Variants in GRID1 observed in about 807,000 individuals in gnomAD.
GRID1 encodes the protein glutamate ionotropic receptor delta type subunit 1.
In GRID1, 28 loss-of-function variants were observed where a neutral mutation model predicts 98.0. The ratio of observed to expected loss-of-function variants is 0.29; its 90% CI spans 0.21 to 0.39. The LOEUF (loss-of-function observed/expected upper bound fraction) is 0.39, where lower values mean the gene tolerates loss of function less well. GRID1 is among the 10% of genes least tolerant of loss of function. The probability of loss-of-function intolerance (pLI) is 1.00; values close to 1 mark genes in which losing one functional copy is unlikely to be tolerated. For missense variants in GRID1, 1,111 were observed against 1,340.5 expected (o/e 0.83, Z 2.67); for synonymous variants, 553 against 538.5 (o/e 1.03, Z -0.37).
At chr10:85,989,188 G>A (rs1842648669) in intron 4 of GRID1, among the ~76,000 whole-genome samples, 1 of 152,186 alleles carries the variant, frequency 6.6e-6, no homozygotes. Flanking sequence ...AAAGGCTGTT[G>A]TTGGAGTCAT....
At chr10:85,831,465 GA>G (rs34185248) in intron 8 of GRID1, among the ~76,000 whole-genome samples, 41,226 of 151,468 alleles carry the variant, frequency 0.27, 5,812 homozygotes, top group African/African-American at 0.33. Context: ...ATAAAAATAA[GA>G]AAAAAATAGG....
intron 3 of GRID1, among the ~76,000 whole-genome samples, chr10:86,149,714 T>C (rs1056117282): frequency 6.6e-6 from 1 of 152,264 alleles, no homozygotes; most frequent in East Asian, 1.9e-4. Flanking sequence ...TTTACATAAT[T>C]ATCAAGATTT....
chr10:85,791,556 G>C (rs1286601679), intron 8 of GRID1, among the ~76,000 whole-genome samples: 2 of 152,100 alleles, frequency 1.3e-5, no homozygotes, highest in East Asian at 3.9e-4. Context: ...CTTTGAAGGT[G>C]AATGATAACC....
intron 6 of GRID1, among the ~76,000 whole-genome samples, chr10:85,859,836 G>A (rs957942393): frequency 3.9e-5 from 6 of 152,162 alleles, no homozygotes; most frequent in Non-Finnish European, 7.3e-5. Flanking sequence ...GGGATGCGGA[G>A]GGTAGGAAAG....
At chr10:86,259,908 A>C (rs991279624) in intron 2 of GRID1, among the ~76,000 whole-genome samples, 1 of 152,244 alleles carries the variant, frequency 6.6e-6, no homozygotes, top group African/African-American at 2.4e-5. Context: ...GCACCTAGTC[A>C]CCTGGCTCAC....
chr10:85,966,331 T>C (rs1169784864), intron 4 of GRID1, among the ~76,000 whole-genome samples: 5 of 152,132 alleles, frequency 3.3e-5, no homozygotes, highest in African/African-American at 1.2e-4. Context: ...TTCCTGGATA[T>C]TTAGGACACA....
intron 12 of GRID1, among the ~76,000 whole-genome samples, chr10:85,662,999 G>A (rs180694425): frequency 2.4e-4 from 37 of 152,198 alleles, no homozygotes; most frequent in East Asian, 5.8e-4. Context: ...GGTCCCTCTC[G>A]TATGCCACAT....
At chr10:85,938,536 T>A (rs961902111) in intron 4 of GRID1, among the ~76,000 whole-genome samples, 1 of 152,220 alleles carries the variant, frequency 6.6e-6, no homozygotes, top group African/African-American at 2.4e-5. Context: ...GTAGTTTCTC[T>A]CATGGTTCCT....
chr10:86,101,036 G>A (rs1477163177), intron 4 of GRID1, among the ~76,000 whole-genome samples: 2 of 152,090 alleles, frequency 1.3e-5, no homozygotes, highest in Non-Finnish European at 2.9e-5. Context: ...AAGGAAGTGA[G>A]AGAGAAGGGG....
chr10:85,949,919 G>GATGT (rs1564633586), intron 4 of GRID1, among the ~76,000 whole-genome samples: 1 of 151,940 alleles, frequency 6.6e-6, no homozygotes, highest in Non-Finnish European at 1.5e-5. Flanking sequence ...TGGATGGATG[G>GATGT]ATGGATGGAT....
chr10:86,053,758 A>C (rs1031384676), intron 4 of GRID1, among the ~76,000 whole-genome samples: 9 of 152,196 alleles, frequency 5.9e-5, no homozygotes, highest in Non-Finnish European at 8.8e-5. Context: ...GAAAGGGGAA[A>C]GATGCAGGAT....
chr10:85,644,684 T>C (rs936401689), intron 13 of GRID1, among the ~76,000 whole-genome samples: 2 of 152,200 alleles, frequency 1.3e-5, no homozygotes, highest in African/African-American at 2.4e-5. Context: ...TTTGGGTGGA[T>C]ACATTGGAGT....
chr10:85,600,675 G>A lies in GRID1; in HGVS notation c.*1598C>T, dbSNP rs1842561606. Reference sequence around the variant, plus strand: ...ATCAGACTAACCTTTGTCTTTAGGAGAGGAACTGAAGTGACACAACTCAGA... The same window carrying A: ...ATCAGACTAACCTTTGTCTTTAGGAAAGGAACTGAAGTGACACAACTCAGA... On this transcript the variant is annotated 3_prime_UTR_variant, in exon 16 of 16. Coordinates refer to ENST00000327946, the MANE Select transcript of GRID1 (RefSeq NM_017551.3). The A allele has an allele frequency of 6.6e-6, 1 of 152,194 alleles. No individual in the cohort carries two copies. The highest frequency in any genetic ancestry group is 2.4e-5 in the African/African-American group (1 of 41,424). The allele number at this position is 152,194 out of a possible 1,614,324, so 9.4% of individuals were successfully genotyped here.
chr10:86,347,961 G>A (rs924290807), intron 2 of GRID1, among the ~76,000 whole-genome samples: 11 of 152,120 alleles, frequency 7.2e-5, no homozygotes, highest in Admixed American at 2.0e-4. Context: ...TGCGAGGCCC[G>A]GCCACCTTCC....
chr10:86,088,512 G>C (rs1178943577), intron 4 of GRID1, among the ~76,000 whole-genome samples: 2 of 152,234 alleles, frequency 1.3e-5, no homozygotes, highest in East Asian at 3.8e-4. Flanking sequence ...ACGTCCCAGA[G>C]AGCATGGGGA....
chr10:86,066,138 T>C lies in GRID1; in HGVS notation c.726+72681A>G, dbSNP rs568251034. 5.3e-5 allele frequency among the ~76,000 whole-genome samples: 8 copies of C among 152,258 alleles called. No homozygotes were observed. The East Asian group carries it at 7.7e-4, about 15-fold the overall frequency. ...TTAAGATGGTGCAATTGCCCACACATAGCAGGAGGCTGAGTTGACTGAAAT... is the reference window on the plus strand; with the variant it reads ...TTAAGATGGTGCAATTGCCCACACACAGCAGGAGGCTGAGTTGACTGAAAT... On this transcript the variant is annotated intron_variant, in intron 4 of 15. Transcript: ENST00000327946.
chr10:86,341,634 G>A (rs1077092), intron 2 of GRID1, among the ~76,000 whole-genome samples: 38,211 of 151,970 alleles, frequency 0.25, 5,568 homozygotes, highest in South Asian at 0.45. Context: ...ACAAAACCAC[G>A]GACACATTTC....
At chr10:85,918,625 T>C (rs190139711) in intron 4 of GRID1, among the ~76,000 whole-genome samples, 46 of 152,330 alleles carry the variant, frequency 3.0e-4, no homozygotes, top group African/African-American at 9.6e-4. Context: ...TAAATTGTCA[T>C]GTGCAAGAGA....
intron 3 of GRID1, among the ~76,000 whole-genome samples, chr10:86,153,028 G>C (rs934622854): frequency 6.6e-6 from 1 of 152,152 alleles, no homozygotes; most frequent in African/African-American, 2.4e-5. Context: ...CCACAGCAAG[G>C]GGCCCACAGA....
Sources: allele counts gnomAD v4.1 joint callset (sites outside exome capture counted in the v4.1 genomes callset), GRCh38; gene constraint gnomAD v4.1.1; transcripts MANE v1.5; gene names NCBI Gene and HGNC (gene_info 2026-07-23, HGNC 2026-07-21).